PRORP: variants seen among roughly 807,000 people sequenced by gnomAD.
The protein encoded by PRORP is protein only RNase P catalytic subunit, also known as mitochondrial ribonuclease P catalytic subunit.
In PRORP, 51 loss-of-function variants were observed where a neutral mutation model predicts 59.4. The observed-to-expected ratio is 0.86, with a 90% CI of 0.69 to 1.08. The LOEUF is 1.08. Among genes scored for constraint, PRORP ranks in the 50% least tolerant of loss-of-function variants. The pLI, the probability that PRORP is intolerant of heterozygous loss-of-function variation, is 0.00. For missense variants in PRORP, 646 were observed against 690.3 expected, an observed-to-expected ratio of 0.94 and a Z score of 0.72; for synonymous variants, 231 against 245.6, an observed-to-expected ratio of 0.94 and a Z score of 0.55.
At chr14:35,263,024 G>A (rs893129299) in intron 5 of PRORP, 17 of 1,587,182 alleles carry the variant, frequency 1.1e-5, no homozygotes, top group Admixed American at 5.0e-5. Context: ...CTGTTCAGCC[G>A]GCTGATGAAT....
rs571383144 is a variant in PRORP at position 35,127,482 on chromosome 14, C to T, written c.1038C>T (p.Gly346=). ...KGQFTTVRKS[G]QCSGCGKTIE... is the part of the protein sequence containing the mutation. Reference sequence around the variant, plus strand: ...TATTTAACAATTATAATTACAGTGGCCAGTGTTCGGGCTGTGGAAAAACCA... The same window carrying T: ...TATTTAACAATTATAATTACAGTGGTCAGTGTTCGGGCTGTGGAAAAACCA... The change falls in exon 4 of 8, where the codon GGC becomes GGT. Residue 346 remains glycine (G), a synonymous_variant. Transcript: ENST00000534898. 6.3e-7 allele frequency: 1 copy of T among 1,582,024 alleles called. No individual in the cohort carries two copies. Among genetic ancestry groups the T allele is most frequent in the Non-Finnish European group, 8.6e-7 (1 of 1,166,594 alleles).
At chr14:35,163,296 T>C (rs1286711782) in intron 4 of PRORP, among the ~76,000 whole-genome samples, 1 of 152,136 alleles carries the variant, frequency 6.6e-6, no homozygotes, top group African/African-American at 2.4e-5. Context: ...CATAAAAAAA[T>C]TATGTACTCT....
chr14:35,265,834 G>C (rs924197746), intron 5 of PRORP, among the ~76,000 whole-genome samples: 1 of 151,912 alleles, frequency 6.6e-6, no homozygotes, highest in African/African-American at 2.4e-5. Context: ...CATCCCTCTT[G>C]AGCCTCTCTA....
intron 4 of PRORP, among the ~76,000 whole-genome samples, chr14:35,162,765 T>C (rs370238490): frequency 3.9e-5 from 6 of 152,226 alleles, no homozygotes; most frequent in African/African-American, 1.4e-4. Flanking sequence ...CCCTTCACTT[T>C]TGTTGTTTTT....
chr14:35,198,067 A>G (rs2049051677), intron 5 of PRORP, among the ~76,000 whole-genome samples: 1 of 152,218 alleles, frequency 6.6e-6, no homozygotes, highest in East Asian at 1.9e-4. Context: ...CAAAGGAGGT[A>G]GGCTAAGAGC....
At chr14:35,262,829 C>T (rs1594355104) in intron 5 of PRORP, 1 of 1,462,222 alleles carries the variant, frequency 6.8e-7, no homozygotes, top group Non-Finnish European at 9.6e-7. Flanking sequence ...AATACATCCT[C>T]AGGGTTCGGA....
intron 5 of PRORP, among the ~76,000 whole-genome samples, chr14:35,230,026 A>G (rs1305328614): frequency 6.6e-6 from 1 of 150,588 alleles, no homozygotes; most frequent in East Asian, 1.9e-4. Context: ...CTCGAGTGCC[A>G]GCCAGATGTC....
chr14:35,123,836 CTT>C lies in PRORP; in HGVS notation c.593_594del (p.Phe198Ter). 1.2e-6 allele frequency: 2 copies of C among 1,614,054 alleles called. No homozygotes were observed. The highest frequency in any genetic ancestry group is 1.7e-6 in the Non-Finnish European group (2 of 1,180,010). On this transcript the variant is annotated frameshift_variant, in exon 2 of 8. Transcript: ENST00000534898. LOFTEE classifies it high-confidence loss of function. ...TGCAGACATCTGAAGTTATTGATGT[CTT>C]TGAAATTATGAAAGCCAGATATAAG... ...HMQTSEVIDV[F>X]EIMKARYKTL...
Position 35,275,196 on chromosome 14 carries a change from G to T in PRORP, c.*1630G>T, listed in dbSNP as rs1320162000. 1 of 151,980 alleles carries T rather than the reference G, an allele frequency of 6.6e-6. No homozygotes were observed. The highest frequency in any genetic ancestry group is 2.4e-5 in the African/African-American group (1 of 41,360). The allele number at this position is 151,980 out of a possible 1,614,324, so 9.4% of individuals were successfully genotyped here. A position where few individuals can be genotyped will look rare whatever the true frequency, so the allele number is the denominator to read the frequency against. ...TTCCTCACACTAAACATTTTAAATT[G>T]ATATATTTACATTTATGACAATATA... On this transcript the variant is annotated 3_prime_UTR_variant, in exon 8 of 8. Coordinates refer to ENST00000534898, the MANE Select transcript of PRORP (RefSeq NM_014672.4).
At chr14:35,156,992 G>A (rs1595207065) in intron 4 of PRORP, among the ~76,000 whole-genome samples, 1 of 117,662 alleles carries the variant, frequency 8.5e-6, no homozygotes, top group African/African-American at 3.4e-5. Flanking sequence ...ATCTTGCTCT[G>A]TCGCCCAGGC....
At position 35,122,963 on chromosome 14, in the gene PRORP, G is replaced by GGAAT. The variant is rs1225416015; in HGVS notation, c.-281_-278dup. The GGAAT allele has an allele frequency of 5.4e-6, 2 of 373,000 alleles. No homozygotes were observed. Among genetic ancestry groups the GGAAT allele is most frequent in the African/African-American group, 4.0e-5 (2 of 49,482 alleles). 23.1% of individuals were successfully genotyped at this position (373,000 alleles called of 1,614,324 possible). On this transcript the variant is annotated 5_prime_UTR_variant, in exon 2 of 8. The change creates a new upstream start codon in the 5' untranslated region. Transcript: ENST00000534898. ...TGCTTTTTCCTCAGGTTCATGAACT[G>GGAAT]GAATGTAAGAGGCACCAGAGGATTC...
At chr14:35,201,482 A>C (rs1248785365) in intron 5 of PRORP, among the ~76,000 whole-genome samples, 1 of 152,036 alleles carries the variant, frequency 6.6e-6, no homozygotes, top group Non-Finnish European at 1.5e-5. Flanking sequence ...TTGGGTTATA[A>C]TCTAATACTG....
chr14:35,212,532 A>G (rs566944516), intron 5 of PRORP, among the ~76,000 whole-genome samples: 1 of 152,298 alleles, frequency 6.6e-6, no homozygotes, highest in Non-Finnish European at 1.5e-5. Context: ...GTATATCTCC[A>G]TAAGAGCTCT....
chr14:35,268,511 T>C (rs937293018), intron 6 of PRORP, among the ~76,000 whole-genome samples: 5 of 152,190 alleles, frequency 3.3e-5, no homozygotes, highest in African/African-American at 1.2e-4. Flanking sequence ...TATTTCCAAC[T>C]TTGCTTAATG....
chr14:35,157,791 T>C (rs7159324), intron 4 of PRORP: 31,301 of 153,198 alleles, frequency 0.2, 3,366 homozygotes, highest in East Asian at 0.37. Context: ...CTGTTAAATC[T>C]ATCACTATGG....
At chr14:35,124,762 A>G (rs1238837271) in intron 2 of PRORP, among the ~76,000 whole-genome samples, 1 of 149,726 alleles carries the variant, frequency 6.7e-6, no homozygotes, top group Non-Finnish European at 1.5e-5. Context: ...CAAGAAAAGA[A>G]TATAGCATTT....
chr14:35,168,867 T>G (rs1260216963), intron 4 of PRORP, among the ~76,000 whole-genome samples: 1 of 152,162 alleles, frequency 6.6e-6, no homozygotes, highest in African/African-American at 2.4e-5. Flanking sequence ...TTTCATAGTT[T>G]CGGCTTTTAA....
At chr14:35,142,321 C>T (rs547284991) in intron 4 of PRORP, among the ~76,000 whole-genome samples, 2 of 141,676 alleles carry the variant, frequency 1.4e-5, no homozygotes, top group South Asian at 2.4e-4. Flanking sequence ...GGAAGCTCAT[C>T]CTGTAAATTA....
intron 5 of PRORP, among the ~76,000 whole-genome samples, chr14:35,216,349 G>T (rs925156074): frequency 1.7e-4 from 26 of 148,956 alleles, no homozygotes; most frequent in African/African-American, 6.4e-4. Flanking sequence ...TTGTTCTGTT[G>T]CCCAGGCTGG....
Sources: gnomAD v4.1 joint callset for allele counts (sites outside exome capture counted in the v4.1 genomes callset) on GRCh38, gnomAD v4.1.1 for gene constraint, MANE v1.5 for transcripts, NCBI Gene and HGNC (gene_info 2026-07-23, HGNC 2026-07-21) for gene names.